Variants in AGBL1 observed in about 807,000 individuals in gnomAD.
The protein encoded by AGBL1 is cytosolic carboxypeptidase 4.
Under a neutral mutation model 118.9 loss-of-function variants are expected in AGBL1, and 130 were observed. That is an observed-to-expected ratio of 1.09 (90% CI 0.95 to 1.26). The LOEUF (loss-of-function observed/expected upper bound fraction) is 1.26. Among genes scored for constraint, AGBL1 ranks in the 50% most tolerant of loss-of-function variants. The pLI, the probability that AGBL1 is intolerant of heterozygous loss-of-function variation, is 0.00. For synonymous variants in AGBL1, 555 were observed against 478.9 expected, an observed-to-expected ratio of 1.16 and a Z score of -2.08; for missense variants, 1,584 against 1,298.1, an observed-to-expected ratio of 1.22 and a Z score of -3.38.
chr15:86,123,953 A>G (rs535903764), intron 1 of AGBL1, among the ~76,000 whole-genome samples: 1 of 152,196 alleles, frequency 6.6e-6, no homozygotes, highest in Non-Finnish European at 1.5e-5. Flanking sequence ...CATATGCAAC[A>G]TGGTAACTGG....
chr15:86,763,499 C>A (rs1433763244), intron 22 of AGBL1, among the ~76,000 whole-genome samples: 1 of 151,872 alleles, frequency 6.6e-6, no homozygotes, highest in African/African-American at 2.4e-5. Context: ...GATGATGGGG[C>A]AGATATTCTT....
intron 1 of AGBL1, among the ~76,000 whole-genome samples, chr15:86,082,148 G>A (rs1330086713): frequency 6.6e-6 from 1 of 152,210 alleles, no homozygotes; most frequent in Non-Finnish European, 1.5e-5. Flanking sequence ...GTAGAAGTCA[G>A]AACTCTGAAA....
chr15:86,924,424 A>G (rs949172419), intron 23 of AGBL1, among the ~76,000 whole-genome samples: 1 of 152,250 alleles, frequency 6.6e-6, no homozygotes, highest in Non-Finnish European at 1.5e-5. Flanking sequence ...TCAGCAAATT[A>G]CTTTGAAGTA....
At chr15:86,363,463 C>T (rs1025305466) in intron 17 of AGBL1, among the ~76,000 whole-genome samples, 8 of 152,114 alleles carry the variant, frequency 5.3e-5, no homozygotes, top group African/African-American at 1.7e-4. Flanking sequence ...CTTGTCCCCA[C>T]TTGAATTCTT....
At chr15:86,901,689 A>T (rs1037721651) in intron 22 of AGBL1, among the ~76,000 whole-genome samples, 15 of 152,238 alleles carry the variant, frequency 9.9e-5, no homozygotes, top group African/African-American at 2.6e-4. Context: ...AATTTCAAAA[A>T]TTTTTAATAA....
At position 86,434,498 on chromosome 15, in the gene AGBL1, G is replaced by C. The variant is rs1020501290; in HGVS notation, c.2555+36952G>C. Among the ~76,000 whole-genome samples, 8 of 152,174 alleles carry C rather than the reference G, an allele frequency of 5.3e-5. No individual in the cohort carries two copies. The Middle Eastern group carries it at 0.01, about 194-fold the overall frequency. ...AATTTATTTACTTATTATATTTATGGGATGCACCCATTACTTATTAGCCTC... is the reference window on the plus strand; with the variant it reads ...AATTTATTTACTTATTATATTTATGCGATGCACCCATTACTTATTAGCCTC... On this transcript the variant is annotated intron_variant, in intron 18 of 22. Transcript: ENST00000614907.
At chr15:86,185,681 C>T (rs538057810) in intron 5 of AGBL1, among the ~76,000 whole-genome samples, 3 of 151,588 alleles carry the variant, frequency 2.0e-5, no homozygotes, top group Admixed American at 6.6e-5. Context: ...CTGCATGTTC[C>T]CGCTCATAGG....
At chr15:86,652,328 C>A (rs1428355511) in intron 21 of AGBL1, among the ~76,000 whole-genome samples, 1 of 152,020 alleles carries the variant, frequency 6.6e-6, no homozygotes, top group Non-Finnish European at 1.5e-5. Flanking sequence ...TGTGGTTCTT[C>A]CAGAGAGGCA....
intron 23 of AGBL1, among the ~76,000 whole-genome samples, chr15:86,973,734 C>T (rs1302055626): frequency 6.6e-6 from 1 of 151,564 alleles, no homozygotes; most frequent in Non-Finnish European, 1.5e-5. Flanking sequence ...GGAGCATTCT[C>T]TTGTGTTAAG....
At chr15:86,672,913 C>G (rs910638368) in intron 21 of AGBL1, among the ~76,000 whole-genome samples, 6 of 152,208 alleles carry the variant, frequency 3.9e-5, no homozygotes, top group African/African-American at 1.4e-4. Context: ...GGATTTTCTA[C>G]CTTTTTAATG....
Position 86,911,066 on chromosome 15 carries a change from C to G in AGBL1, c.*3772C>G, listed in dbSNP as rs1596623369. The G allele has an allele frequency of 6.6e-6, 1 of 152,254 alleles. No individual in the cohort carries two copies. The highest frequency in any genetic ancestry group is 2.1e-4 in the South Asian group (1 of 4,836). 9.4% of individuals were successfully genotyped at this position (152,254 alleles called of 1,614,324 possible). The stretch of plus-strand genomic sequence containing the variant: ...GTGTTCTACCAAATTCAAAGCCAAA[C>G]TAAGATGACCCAAGAATTCCAAGGA... On this transcript the variant is annotated 3_prime_UTR_variant, in exon 23 of 23. Transcript: ENST00000614907.
intron 23 of AGBL1, among the ~76,000 whole-genome samples, chr15:86,941,669 T>C (rs546061768): frequency 6.6e-6 from 1 of 152,136 alleles, no homozygotes; most frequent in African/African-American, 2.4e-5. Flanking sequence ...AAAACTGCCC[T>C]CCAGGAAAAC....
At chr15:86,113,491 G>T (rs1897564365) in intron 1 of AGBL1, among the ~76,000 whole-genome samples, 1 of 151,618 alleles carries the variant, frequency 6.6e-6, no homozygotes, top group Admixed American at 6.6e-5. Flanking sequence ...TCACCATGTT[G>T]GCCAGGCTGG....
At chr15:86,633,125 C>G (rs1022257266) in intron 21 of AGBL1, among the ~76,000 whole-genome samples, 2 of 152,074 alleles carry the variant, frequency 1.3e-5, no homozygotes, top group African/African-American at 2.4e-5. Context: ...AAGAAAGTAT[C>G]TTGAAAGCAA....
intron 22 of AGBL1, among the ~76,000 whole-genome samples, chr15:86,734,558 A>G (rs1309091713): frequency 6.6e-6 from 1 of 152,106 alleles, no homozygotes; most frequent in African/African-American, 2.4e-5. Context: ...GCTAGGTAGA[A>G]ATGGGCATAC....
chr15:86,683,021 C>T (rs916043623), intron 22 of AGBL1, among the ~76,000 whole-genome samples: 2 of 152,098 alleles, frequency 1.3e-5, no homozygotes, highest in African/African-American at 4.8e-5. Context: ...AACTCCATGG[C>T]TCAAGTTCTT....
chr15:86,473,443 A>G (rs1212317082), intron 18 of AGBL1, among the ~76,000 whole-genome samples: 1 of 152,264 alleles, frequency 6.6e-6, no homozygotes, highest in African/African-American at 2.4e-5. Flanking sequence ...CACAAAGAAG[A>G]AAATCAAATT....
At chr15:86,815,942 G>A (rs576875306) in intron 22 of AGBL1, among the ~76,000 whole-genome samples, 6 of 152,286 alleles carry the variant, frequency 3.9e-5, no homozygotes, top group South Asian at 2.1e-4. Flanking sequence ...AAGTAAGTTC[G>A]TTGTTCATGC....
In AGBL1 at chr15:86,224,854, C is replaced by T. The variant is rs2078334987; in HGVS notation, c.489-60C>T. On this transcript the variant is annotated intron_variant, in intron 5 of 22. Coordinates refer to ENST00000614907, the MANE Select transcript of AGBL1 (RefSeq NM_001386094.1). ...GCAATGGGCATGCTGGCTGTGGGAT[C>T]CATGTGCTGAGAAAAAGACCATTGA... is the stretch of plus-strand genomic sequence containing the variant. 5 of 1,552,660 alleles carry T rather than the reference C, an allele frequency of 3.2e-6. No homozygotes were observed. The East Asian group carries it at 6.7e-5, about 21-fold the overall frequency.
Sources: gnomAD v4.1 joint callset for allele counts (sites outside exome capture counted in the v4.1 genomes callset) on GRCh38, gnomAD v4.1.1 for gene constraint, MANE v1.5 for transcripts, NCBI Gene and HGNC (gene_info 2026-07-23, HGNC 2026-07-21) for gene names.